Variants in MED15 observed in about 807,000 individuals in gnomAD.
The protein encoded by MED15 is mediator of RNA polymerase II transcription subunit 15.
A neutral mutation model predicts 118.7 loss-of-function variants in MED15; 41 were observed. The observed-to-expected ratio is 0.35, with a 90% CI of 0.27 to 0.45. The LOEUF (loss-of-function observed/expected upper bound fraction) is 0.45, where lower values mean the gene tolerates loss of function less well. MED15 is among the 20% of genes least tolerant of loss of function. The probability of loss-of-function intolerance (pLI) is 1.00; values close to 1 mark genes in which losing one functional copy is unlikely to be tolerated. For synonymous variants in MED15, 436 were observed against 413.9 expected (o/e 1.05, Z -0.65); for missense variants, 740 against 1,025.5 (o/e 0.72, Z 3.80).
rs763526405 is a variant in MED15 at position 20,582,851 on chromosome 22, C to G, written c.1421C>G (p.Ala474Gly). The G allele has an allele frequency of 6.2e-7, 1 of 1,612,562 alleles. No individual in the cohort carries two copies. The highest frequency in any genetic ancestry group is 1.1e-5 in the South Asian group (1 of 91,014). ...QPNSNVSSGP[A>G]PSPSSFLPSP... ...TCACTTGGCTGCAGCTCTGGCCCTG[C>G]CCCATCTCCCAGTAGCTTCCTGCCC... Residue 474 changes from alanine to glycine, a missense_variant, in exon 11 of 18, where the codon GCC (alanine) becomes GGC (glycine). Transcript: ENST00000263205.
Position 20,545,677 on chromosome 22 carries a change from G to A in MED15, c.157-5759G>A, listed in dbSNP as rs142859582. 7.9e-5 allele frequency among the ~76,000 whole-genome samples: 12 copies of A among 152,152 alleles called. No individual in the cohort carries two copies. In the East Asian group the frequency reaches 2.3e-3, roughly 29 times the overall value. On this transcript the variant is annotated intron_variant, in intron 2 of 17. Transcript: ENST00000263205. ...CTGTTTTCCCTTGGTGGCCAGGTCA[G>A]GGCCGTGTGGTTTCCTTGGGTGGGG...
intron 2 of MED15, among the ~76,000 whole-genome samples, chr22:20,545,569 A>G (rs2055498806): frequency 6.6e-6 from 1 of 152,064 alleles, no homozygotes; most frequent in Non-Finnish European, 1.5e-5. Context: ...ATTGAATGGC[A>G]TGTTTTAAAT....
chr22:20,585,795 C>T lies in MED15; in HGVS notation c.2199C>T (p.Ser733=). The T allele has an allele frequency of 3.1e-6, 5 of 1,613,382 alleles. No individual in the cohort carries two copies. Among genetic ancestry groups the T allele is most frequent in the Non-Finnish European group, 4.2e-6 (5 of 1,179,994 alleles). The change falls in exon 17 of 18, where the codon AGC becomes AGT. Residue 733 remains serine (S), a synonymous_variant. Transcript: ENST00000263205. The stretch of plus-strand genomic sequence containing the variant: ...TGCCCGCTGACTATCCTGCCCAAAG[C>T]CCGCTGTGGATAGACCGGCAGTGGC... ...LSVPADYPAQ[S]PLWIDRQWQY...
intron 10 of MED15, 43 bp from the exon 11 acceptor site, chr22:20,582,797 C>T: frequency 6.2e-7 from 1 of 1,601,590 alleles, no homozygotes; most frequent in Non-Finnish European, 8.5e-7. Flanking sequence ...GAGGCTGGCC[C>T]TGCCTGGACC....
chr22:20,545,535 A>G (rs2055497488), intron 2 of MED15, among the ~76,000 whole-genome samples: 1 of 151,936 alleles, frequency 6.6e-6, no homozygotes. Flanking sequence ...ATGCTGCAGA[A>G]CTCTGAATGT....
chr22:20,539,813 A>G lies in MED15; in HGVS notation c.156+2609A>G, dbSNP rs554568232. On this transcript the variant is annotated intron_variant, in intron 2 of 17. Transcript: ENST00000263205. ...GCATTGTTTTGATCTGCATTTGCCT[A>G]GTGACTAATGATGTTGAGCATCTTT... is the stretch of plus-strand genomic sequence containing the variant. Among the ~76,000 whole-genome samples the G allele has an allele frequency of 1.7e-4, 26 of 152,322 alleles. No homozygotes were observed. In the East Asian group the frequency reaches 4.8e-3, roughly 28 times the overall value.
chr22:20,553,852 CTGAG>C (rs1468425788), intron 4 of MED15, among the ~76,000 whole-genome samples: 9 of 152,348 alleles, frequency 5.9e-5, no homozygotes, highest in Admixed American at 1.3e-4. Flanking sequence ...ACCTGGATGA[CTGAG>C]TGAGACTCCA....
chr22:20,582,709 G>A lies in MED15; in HGVS notation c.1371G>A (p.Gln457=), dbSNP rs2057024986. ...CCCCTCCCCCCCAGCCGTCCCCGCA[G>A]CCCGGCCAGCCCAGCTCACAGCCCA... ...SMPPPPQPSP[Q]PGQPSSQPNS... The change falls in exon 10 of 18, where the codon CAG becomes CAA. Residue 457 remains glutamine, a synonymous_variant. Coordinates refer to ENST00000263205, the MANE Select transcript of MED15 (RefSeq NM_001003891.3). 2.5e-6 allele frequency: 4 copies of A among 1,578,284 alleles called. No individual in the cohort carries two copies. Among genetic ancestry groups the A allele is most frequent in the East Asian group, 2.3e-5 (1 of 43,646 alleles).
At chr22:20,519,941 T>C (rs1246350271) in intron 1 of MED15, among the ~76,000 whole-genome samples, 1 of 151,866 alleles carries the variant, frequency 6.6e-6, no homozygotes, top group Non-Finnish European at 1.5e-5. Context: ...TTAATTTTAA[T>C]TTTTTTTTAA....
intron 1 of MED15, among the ~76,000 whole-genome samples, chr22:20,514,965 G>A (rs1330246324): frequency 2.0e-5 from 3 of 152,224 alleles, no homozygotes; most frequent in Non-Finnish European, 4.4e-5. Flanking sequence ...CTGGCTTACA[G>A]GTGTCTGTGT....
intron 5 of MED15, among the ~76,000 whole-genome samples, chr22:20,560,495 C>T (rs1391642261): frequency 6.6e-6 from 1 of 152,168 alleles, no homozygotes; most frequent in African/African-American, 2.4e-5. Context: ...GATCTCCAGA[C>T]CTTGTGATCT....
chr22:20,587,090 T>C lies in MED15; in HGVS notation c.*386T>C, dbSNP rs1297034715. On this transcript the variant is annotated 3_prime_UTR_variant, in exon 18 of 18. Coordinates refer to ENST00000263205, the MANE Select transcript of MED15 (RefSeq NM_001003891.3). ...CTAGACGCACCCCTACTCGTTCCTA[T>C]AGAACACAGAGGACATAGGAAACCC... 3 of 243,678 alleles carry C rather than the reference T, an allele frequency of 1.2e-5. No homozygotes were observed. The highest frequency in any genetic ancestry group is 2.4e-5 in the Non-Finnish European group (3 of 122,586). The allele number at this position is 243,678 out of a possible 1,614,324, so 15.1% of individuals were successfully genotyped here.
In MED15 at chr22:20,566,735, C is replaced by G. The variant is rs2056456815; in HGVS notation, c.959C>G (p.Pro320Arg). 1 of 1,614,210 alleles carries G rather than the reference C, an allele frequency of 6.2e-7. No homozygotes were observed. The highest frequency in any genetic ancestry group is 8.5e-7 in the Non-Finnish European group (1 of 1,180,038). The part of the protein sequence containing the change: ...VAQNQPSQLP[P>R]QSQTQPLVSQ... ...CAGAACCAACCATCACAACTCCCGC[C>G]ACAGTCGCAGACCCAGCCTTTGGTG... The change falls in exon 7 of 18, where the codon CCA becomes CGA. Residue 320 changes from proline (P) to arginine (R), a missense_variant. By Grantham distance (103) the Pro-to-Arg change is moderately radical. Transcript: ENST00000263205.
rs776911831 is a variant in MED15 at position 20,564,695 on chromosome 22, G to A, written c.690+7G>A. On this transcript the variant is annotated splice_region_variant and intron_variant, in intron 6 of 17. Transcript: ENST00000263205. ...TCATCAAAATCAGCAACAGGTACCAGGTCCCCTGTTCCTGCTCTTGGCCTC... is the reference window on the plus strand; with the variant it reads ...TCATCAAAATCAGCAACAGGTACCAAGTCCCCTGTTCCTGCTCTTGGCCTC... The A allele has an allele frequency of 1.2e-5, 20 of 1,614,200 alleles. No homozygotes were observed. Among genetic ancestry groups the A allele is most frequent in the African/African-American group, 1.3e-5 (1 of 75,072 alleles).
intron 5 of MED15, among the ~76,000 whole-genome samples, chr22:20,563,305 C>T (rs1349776523): frequency 6.6e-6 from 1 of 152,182 alleles, no homozygotes; most frequent in Non-Finnish European, 1.5e-5. Flanking sequence ...AAATGTCCTT[C>T]ATGTAGACGG....
chr22:20,510,900 G>A (rs1312921876), intron 1 of MED15, among the ~76,000 whole-genome samples: 1 of 152,148 alleles, frequency 6.6e-6, no homozygotes, highest in Non-Finnish European at 1.5e-5. Context: ...GATTAGGCAC[G>A]AGATGGGCAT....
intron 2 of MED15, among the ~76,000 whole-genome samples, chr22:20,537,816 C>G (rs1214112786): frequency 6.6e-6 from 1 of 152,176 alleles, no homozygotes; most frequent in African/African-American, 2.4e-5. Flanking sequence ...AACACATATT[C>G]ACTTGTGTGC....
chr22:20,565,372 T>G (rs2056398491), intron 6 of MED15, among the ~76,000 whole-genome samples: 1 of 152,246 alleles, frequency 6.6e-6, no homozygotes, highest in African/African-American at 2.4e-5. Context: ...AGGACACATG[T>G]GCCTCCTGTT....
chr22:20,514,532 G>T (rs1317290769), intron 1 of MED15, among the ~76,000 whole-genome samples: 1 of 152,090 alleles, frequency 6.6e-6, no homozygotes, highest in African/African-American at 2.4e-5. Flanking sequence ...ATGTCCATTG[G>T]GCAAAACAAT....
Sources: allele counts gnomAD v4.1 joint callset (sites outside exome capture counted in the v4.1 genomes callset), GRCh38; gene constraint gnomAD v4.1.1; transcripts MANE v1.5; gene names NCBI Gene and HGNC (gene_info 2026-07-23, HGNC 2026-07-21).